The following CABIN1 variants were observed in gnomAD, a reference collection of about 807,000 sequenced individuals.
CABIN1 encodes the protein calcineurin binding protein 1.
Under a neutral mutation model 227.7 loss-of-function variants are expected in CABIN1, and 133 were observed. That is an observed-to-expected ratio of 0.58 (90% CI 0.51 to 0.67). The LOEUF is 0.67. Among genes scored for constraint, CABIN1 ranks in the 30% least tolerant of loss-of-function variants. The pLI is 0.00. For synonymous variants in CABIN1, 1,086 were observed against 1,155.1 expected, an observed-to-expected ratio of 0.94 and a Z score of 1.21; for missense variants, 2,408 against 2,852.5, an observed-to-expected ratio of 0.84 and a Z score of 3.55.
Position 24,036,190 on chromosome 22 carries a change from T to C in CABIN1, c.96+9T>C. ...AGACAAAGGAGGCTCAGGTACGTAA[T>C]GCGAGGTCTTCTCTGTAGGTGGACC... On this transcript the variant is annotated intron_variant, in intron 3 of 36. Transcript: ENST00000263119. 2 of 1,588,850 alleles carry C rather than the reference T, an allele frequency of 1.3e-6. No homozygotes were observed. The highest frequency in any genetic ancestry group is 1.3e-5 in the African/African-American group (1 of 74,514).
chr22:24,147,545 C>T (rs1412804182), intron 29 of CABIN1, among the ~76,000 whole-genome samples: 2 of 151,378 alleles, frequency 1.3e-5, no homozygotes, highest in Non-Finnish European at 2.9e-5. Flanking sequence ...ACCTCCCATG[C>T]TCAAGTGATC....
chr22:24,064,268 C>A, intron 15 of CABIN1, 81 bp downstream of exon 15: 1 of 1,459,264 alleles, frequency 6.9e-7, no homozygotes, highest in Non-Finnish European at 9.5e-7. Flanking sequence ...TGTAATAGTG[C>A]AATCTCGGCT....
At chr22:24,057,753 T>G (rs1311649387) in intron 10 of CABIN1, among the ~76,000 whole-genome samples, 1 of 152,234 alleles carries the variant, frequency 6.6e-6, no homozygotes, top group African/African-American at 2.4e-5. Flanking sequence ...AAATAATGAT[T>G]GTTCTCAGTA....
intron 27 of CABIN1, among the ~76,000 whole-genome samples, chr22:24,116,809 T>G: frequency 6.6e-6 from 1 of 152,214 alleles, no homozygotes; most frequent in East Asian, 1.9e-4. Flanking sequence ...CTTATTCTTC[T>G]TAGGACCTCC....
intron 1 of CABIN1, among the ~76,000 whole-genome samples, chr22:24,032,149 T>C (rs1461836114): frequency 6.6e-6 from 1 of 152,232 alleles, no homozygotes; most frequent in Non-Finnish European, 1.5e-5. Flanking sequence ...TAACTCTCTA[T>C]TGCCCTCTCC....
At chr22:24,050,145 A>G (rs1406350337) in intron 7 of CABIN1, among the ~76,000 whole-genome samples, 2 of 152,196 alleles carry the variant, frequency 1.3e-5, no homozygotes, top group South Asian at 2.1e-4. Context: ...CTTGGCGTCT[A>G]TCCCCTGTGA....
chr22:24,108,167 G>A (rs2042620027), intron 26 of CABIN1, among the ~76,000 whole-genome samples: 2 of 152,206 alleles, frequency 1.3e-5, no homozygotes. Flanking sequence ...AAAACCTGAA[G>A]TGGGGGCCTA....
intron 12 of CABIN1, among the ~76,000 whole-genome samples, chr22:24,061,708 A>G (rs987033299): frequency 6.6e-6 from 1 of 152,248 alleles, no homozygotes; most frequent in Admixed American, 6.5e-5. Context: ...CAACAGGACA[A>G]GAACTCTGAA....
intron 4 of CABIN1, among the ~76,000 whole-genome samples, chr22:24,039,318 A>G (rs143506365): frequency 7.4e-4 from 113 of 152,274 alleles, no homozygotes; most frequent in African/African-American, 2.7e-3. Context: ...AAAAACCTTG[A>G]TGGTTTTTGC....
chr22:24,167,552 G>A (rs769275963), intron 32 of CABIN1, among the ~76,000 whole-genome samples: 25 of 152,202 alleles, frequency 1.6e-4, no homozygotes, highest in Admixed American at 1.3e-4. Flanking sequence ...AGTCTGGACC[G>A]CTGCTCCCAC....
At chr22:24,164,647 G>C (rs2046346638) in intron 30 of CABIN1, 84 bp downstream of exon 30, 1 of 1,482,218 alleles carries the variant, frequency 6.7e-7, no homozygotes. Context: ...CCACTGCTCT[G>C]GCCCAGCTGT....
At chr22:24,110,126 G>A (rs112763906) in intron 26 of CABIN1, among the ~76,000 whole-genome samples, 1,545 of 152,262 alleles carry the variant, frequency 0.01, 24 homozygotes, top group African/African-American at 0.034. Context: ...AGCCAAGATC[G>A]TGCAATTGCA....
chr22:24,134,480 T>A (rs1416630815), intron 29 of CABIN1, 65 bp downstream of exon 29: 1 of 1,359,464 alleles, frequency 7.4e-7, no homozygotes, highest in Admixed American at 1.8e-5. Flanking sequence ...TGAAGGCGCA[T>A]GAATTGACCC....
At chr22:24,173,994 T>C (rs951909597) in intron 34 of CABIN1, among the ~76,000 whole-genome samples, 1 of 151,888 alleles carries the variant, frequency 6.6e-6, no homozygotes, top group Non-Finnish European at 1.5e-5. Flanking sequence ...ATGGGTTTTT[T>C]TTTTTTTTTT....
chr22:24,146,947 C>T (rs954563651), intron 29 of CABIN1, among the ~76,000 whole-genome samples: 3 of 152,232 alleles, frequency 2.0e-5, no homozygotes, highest in African/African-American at 4.8e-5. Context: ...AGTGGCAGAG[C>T]CCAGACTGGG....
At position 24,014,639 on chromosome 22, in the gene CABIN1, G is replaced by A. The variant is rs538468067; in HGVS notation, c.-75+3272G>A. Among the ~76,000 whole-genome samples the A allele has an allele frequency of 2.6e-5, 4 of 152,234 alleles. No homozygotes were observed. The South Asian group carries it at 8.3e-4, about 32-fold the overall frequency. On this transcript the variant is annotated intron_variant, in intron 1 of 36. Coordinates refer to ENST00000263119, the MANE Select transcript of CABIN1 (RefSeq NM_012295.4). ...TGTAATAGTTAGGTTCATTGTTAGT[G>A]TTTATATTTCATTTTGAGTTCCCCC...
At chr22:24,016,373 T>C (rs1307845286) in intron 1 of CABIN1, among the ~76,000 whole-genome samples, 1 of 152,276 alleles carries the variant, frequency 6.6e-6, no homozygotes, top group Admixed American at 6.5e-5. Flanking sequence ...CCACCTTTTG[T>C]TTATCCATTT....
chr22:24,170,122 T>G, intron 33 of CABIN1: 1 of 457,744 alleles, frequency 2.2e-6, no homozygotes, highest in South Asian at 1.5e-5. Flanking sequence ...ACCTGCCTGC[T>G]TCCCAGACCC....
intron 34 of CABIN1, among the ~76,000 whole-genome samples, chr22:24,174,122 G>A (rs1393014759): frequency 6.6e-6 from 1 of 151,582 alleles, no homozygotes; most frequent in Admixed American, 6.6e-5. Flanking sequence ...TGGGATTACA[G>A]GAATGAGCCA....
Sources: gnomAD v4.1 joint callset for allele counts (sites outside exome capture counted in the v4.1 genomes callset) on GRCh38, gnomAD v4.1.1 for gene constraint, MANE v1.5 for transcripts, NCBI Gene and HGNC (gene_info 2026-07-23, HGNC 2026-07-21) for gene names.